Variants in ANKRD44 observed in about 807,000 individuals in gnomAD.
ANKRD44 encodes the protein serine/threonine-protein phosphatase 6 regulatory ankyrin repeat subunit B.
A neutral mutation model predicts 116.0 loss-of-function variants in ANKRD44; 35 were observed. The ratio of observed to expected loss-of-function variants is 0.30; its 90% CI spans 0.23 to 0.40. The LOEUF (loss-of-function observed/expected upper bound fraction) is 0.40. Among genes scored for constraint, ANKRD44 ranks in the 10% least tolerant of loss-of-function variants. The pLI, the probability that ANKRD44 is intolerant of heterozygous loss-of-function variation, is 1.00. For missense variants in ANKRD44, 1,014 were observed against 1,242.6 expected, an observed-to-expected ratio of 0.82 and a Z score of 2.77; for synonymous variants, 435 against 461.8, an observed-to-expected ratio of 0.94 and a Z score of 0.74.
chr2:197,126,684 C>A (rs1397662516), intron 4 of ANKRD44, among the ~76,000 whole-genome samples: 1 of 152,032 alleles, frequency 6.6e-6, no homozygotes, highest in Non-Finnish European at 1.5e-5. Context: ...ATGGAGTCAT[C>A]CATGCAGCTC....
intron 21 of ANKRD44, among the ~76,000 whole-genome samples, chr2:196,973,420 C>A (rs183156672): frequency 1.2e-3 from 182 of 152,178 alleles, no homozygotes; most frequent in Middle Eastern, 3.4e-3. Flanking sequence ...ATATTACCAT[C>A]CAAAATTTCA....
chr2:197,204,282 T>G (rs2081156787), intron 1 of ANKRD44, among the ~76,000 whole-genome samples: 2 of 152,190 alleles, frequency 1.3e-5, no homozygotes, highest in African/African-American at 4.8e-5. Context: ...AGAAGAAAAT[T>G]TATAAAAATG....
intron 3 of ANKRD44, among the ~76,000 whole-genome samples, chr2:197,139,582 T>C (rs1033010946): frequency 1.3e-5 from 2 of 151,976 alleles, no homozygotes; most frequent in Non-Finnish European, 2.9e-5. Context: ...AGAGTACCCA[T>C]ACAGCTGCAA....
At chr2:197,210,967 A>T (rs2081311182) in intron 1 of ANKRD44, among the ~76,000 whole-genome samples, 1 of 152,042 alleles carries the variant, frequency 6.6e-6, no homozygotes, top group Non-Finnish European at 1.5e-5. Context: ...TTACCTGGGG[A>T]TCACACACTC....
chr2:197,296,184 T>A (rs1335366326), intron 1 of ANKRD44: 2 of 152,186 alleles, frequency 1.3e-5, no homozygotes, highest in African/African-American at 4.8e-5. Flanking sequence ...TAGTCACTAG[T>A]CATAGAAGCT....
chr2:197,014,419 A>G (rs1449091047), intron 17 of ANKRD44, among the ~76,000 whole-genome samples: 2 of 152,216 alleles, frequency 1.3e-5, no homozygotes, highest in Non-Finnish European at 2.9e-5. Context: ...ATTTCATTAT[A>G]GAAACAATTA....
intron 13 of ANKRD44, 57 bp downstream of exon 13, chr2:197,086,623 G>A (rs977933434): frequency 1.3e-6 from 2 of 1,527,804 alleles, no homozygotes; most frequent in African/African-American, 1.4e-5. Flanking sequence ...TTACTACATA[G>A]ACCACTCCCA....
chr2:197,279,628 C>T (rs1361574626), intron 1 of ANKRD44, among the ~76,000 whole-genome samples: 2 of 152,178 alleles, frequency 1.3e-5, no homozygotes, highest in African/African-American at 4.8e-5. Context: ...TCTCTCTTCC[C>T]TTGCTGACCT....
intron 17 of ANKRD44, among the ~76,000 whole-genome samples, chr2:197,018,246 G>A (rs1353135508): frequency 3.3e-5 from 5 of 152,198 alleles, no homozygotes; most frequent in African/African-American, 7.2e-5. Context: ...AGCCTATGAC[G>A]TCTTCCCTCA....
intron 2 of ANKRD44, among the ~76,000 whole-genome samples, chr2:197,153,849 G>T (rs2079728763): frequency 1.3e-5 from 2 of 152,158 alleles, no homozygotes; most frequent in African/African-American, 4.8e-5. Context: ...GTGTATAAGA[G>T]AGAAAGGTGG....
intron 3 of ANKRD44, among the ~76,000 whole-genome samples, chr2:197,146,557 GTA>G (rs1010629798): frequency 3.3e-5 from 5 of 151,954 alleles, no homozygotes; most frequent in South Asian, 2.1e-4. Flanking sequence ...TATATAGCAT[GTA>G]TATATAGAGA....
chr2:197,033,955 T>G (rs997461674), intron 16 of ANKRD44, among the ~76,000 whole-genome samples: 1 of 152,020 alleles, frequency 6.6e-6, no homozygotes. Context: ...ATTTAAGATT[T>G]GGTCCTAAAC....
rs2075873606 is a variant in ANKRD44, at chr2:196,989,056, A to T, written c.*535T>A. On this transcript the variant is annotated 3_prime_UTR_variant, in exon 28 of 28. Coordinates refer to ENST00000282272, the MANE Select transcript of ANKRD44 (RefSeq NM_001195144.2). ...ACCAACGCGGAAGAACCTGAGGGTC[A>T]TCTGGAAACCTTAGCAGTGGAAATG... The T allele has an allele frequency of 2.0e-6, 2 of 985,454 alleles. No homozygotes were observed. The highest frequency in any genetic ancestry group is 2.4e-6 in the Non-Finnish European group (2 of 829,986). 61.0% of individuals were successfully genotyped at this position (985,454 alleles called of 1,614,324 possible). A position where few individuals can be genotyped will look rare whatever the true frequency, so the allele number is the denominator to read the frequency against.
chr2:197,102,317 T>C (rs1379783304), intron 9 of ANKRD44, among the ~76,000 whole-genome samples: 1 of 152,244 alleles, frequency 6.6e-6, no homozygotes. Context: ...AGATGTATCT[T>C]CAAGGTAAAT....
intron 1 of ANKRD44, among the ~76,000 whole-genome samples, chr2:197,199,828 C>A (rs1012786181): frequency 8.5e-5 from 13 of 152,292 alleles, no homozygotes; most frequent in Admixed American, 5.2e-4. Flanking sequence ...TAAATCATTT[C>A]TCTTAATAAC....
At chr2:197,186,992 G>C in intron 2 of ANKRD44, 31 bp downstream of exon 2, 1 of 1,595,266 alleles carries the variant, frequency 6.3e-7, no homozygotes, top group East Asian at 2.2e-5. Flanking sequence ...GGCTAACAGG[G>C]CCTGAGTAGC....
chr2:197,090,782 G>A (rs2078026180), intron 10 of ANKRD44, among the ~76,000 whole-genome samples: 1 of 152,152 alleles, frequency 6.6e-6, no homozygotes, highest in African/African-American at 2.4e-5. Context: ...CAGGACTATG[G>A]CTGAACGTCA....
In ANKRD44 at chr2:196,988,152, C is replaced by T; in HGVS notation, c.*1439G>A. 1 of 985,148 alleles carries T rather than the reference C, an allele frequency of 1.0e-6. No individual in the cohort carries two copies. The highest frequency in any genetic ancestry group is 4.7e-5 in the South Asian group (1 of 21,276). The allele number at this position is 985,148 out of a possible 1,614,324, so 61.0% of individuals were successfully genotyped here. On this transcript the variant is annotated 3_prime_UTR_variant, in exon 28 of 28. Transcript: ENST00000282272. ...GCTTTGCTGAAATGATTCTTGTACT[C>T]TCTGCTACACGACAGGAAAAATGTT...
chr2:197,231,540 T>C (rs779668618), intron 1 of ANKRD44, among the ~76,000 whole-genome samples: 3 of 152,128 alleles, frequency 2.0e-5, no homozygotes, highest in Non-Finnish European at 2.9e-5. Context: ...TATGTTCCTC[T>C]AGGCCAGTGC....
Sources: allele counts gnomAD v4.1 joint callset (sites outside exome capture counted in the v4.1 genomes callset), GRCh38; gene constraint gnomAD v4.1.1; transcripts MANE v1.5; gene names NCBI Gene and HGNC (gene_info 2026-07-23, HGNC 2026-07-21).